The following NDE1 variants were observed in gnomAD, a reference collection of about 807,000 sequenced individuals.
NDE1 encodes the protein nudE neurodevelopment protein 1.
Under a neutral mutation model 43.4 loss-of-function variants are expected in NDE1, and 28 were observed. The observed-to-expected ratio is 0.65, with a 90% CI of 0.48 to 0.89. The LOEUF (loss-of-function observed/expected upper bound fraction) is 0.89, where lower values mean the gene tolerates loss of function less well. Among genes scored for constraint, NDE1 ranks in the 40% least tolerant of loss-of-function variants. The probability of loss-of-function intolerance (pLI) is 0.00; values close to 1 mark genes in which losing one functional copy is unlikely to be tolerated. For synonymous variants in NDE1, 184 were observed against 172.0 expected, an observed-to-expected ratio of 1.07 and a Z score of -0.55; for missense variants, 441 against 434.1, an observed-to-expected ratio of 1.02 and a Z score of -0.14.
chr16:15,719,580 T>G (rs1319840638), intron 8 of NDE1: 1 of 1,614,130 alleles, frequency 6.2e-7, no homozygotes, highest in African/African-American at 1.3e-5. Flanking sequence ...AAGGCGAGGC[T>G]TTACCTCTTG....
In NDE1 at chr16:15,679,668, T is replaced by A. The variant is rs1420988162; in HGVS notation, c.386+1719T>A. Among the ~76,000 whole-genome samples, 5 of 152,344 alleles carry A rather than the reference T, an allele frequency of 3.3e-5. No homozygotes were observed. The East Asian group carries it at 9.6e-4, about 29-fold the overall frequency. ...AGGTCCTTTTGTGCAGTTTTCAACA[T>A]CTGGGTCACATTTTCTTTATACTCC... On this transcript the variant is annotated intron_variant, in intron 4 of 8. Coordinates refer to ENST00000396354, the MANE Select transcript of NDE1 (RefSeq NM_017668.3).
At chr16:15,679,026 G>T (rs766364818) in intron 4 of NDE1, among the ~76,000 whole-genome samples, 28 of 152,058 alleles carry the variant, frequency 1.8e-4, no homozygotes, top group Admixed American at 6.6e-5. Flanking sequence ...GTAGTGAGCC[G>T]AGATTGCGCC....
At chr16:15,666,654 C>A (rs2037324218) in intron 2 of NDE1, among the ~76,000 whole-genome samples, 1 of 152,108 alleles carries the variant, frequency 6.6e-6, no homozygotes, top group Non-Finnish European at 1.5e-5. Flanking sequence ...CTCACTCTGT[C>A]ACCCAGGCTG....
At chr16:15,703,846 A>T (rs1465691872) in intron 8 of NDE1, 12 of 1,133,694 alleles carry the variant, frequency 1.1e-5, no homozygotes, top group African/African-American at 3.1e-5. Context: ...GGTGTCTGTG[A>T]TATTTGGAAT....
rs577651195 is a variant in NDE1 at position 15,650,464 on chromosome 16, C to T, written c.-44+170C>T. ...TCGCTTCCCGGCCGCCTGGACTCCC[C>T]CGGTCCCTGGGCTCCAAAATCCCGC... is the stretch of plus-strand genomic sequence containing the variant. On this transcript the variant is annotated intron_variant, in intron 1 of 8. Coordinates refer to ENST00000396354, the MANE Select transcript of NDE1 (RefSeq NM_017668.3). Among the ~76,000 whole-genome samples the T allele has an allele frequency of 2.6e-5, 4 of 152,350 alleles. No homozygotes were observed. In the East Asian group the frequency reaches 7.7e-4, roughly 29 times the overall value.
At chr16:15,705,983 T>TAAAAAAAA (rs1487522901) in intron 8 of NDE1, among the ~76,000 whole-genome samples, 1 of 8,906 alleles carries the variant, frequency 1.1e-4, no homozygotes, top group Non-Finnish European at 1.6e-4. Context: ...AGACTCCGTC[T>TAAAAAAAA]CAAAAAAAAA....
intron 2 of NDE1, among the ~76,000 whole-genome samples, chr16:15,665,672 T>C (rs1043483375): frequency 6.6e-6 from 1 of 151,870 alleles, no homozygotes. Context: ...CTTGAACTCC[T>C]GGCTTCACGT....
intron 8 of NDE1, chr16:15,720,999 A>C: frequency 1.2e-6 from 2 of 1,613,964 alleles, no homozygotes; most frequent in Non-Finnish European, 1.7e-6. Context: ...CTGCGTCTTC[A>C]TCTCCTCCAT....
intron 3 of NDE1, among the ~76,000 whole-genome samples, chr16:15,671,546 T>C (rs3784859): frequency 0.42 from 63,790 of 151,826 alleles, 15,172 homozygotes; most frequent in Middle Eastern, 0.57. Context: ...GAACACACAT[T>C]GTTGAGTTTC....
In NDE1 at chr16:15,711,795, C is replaced by T. The variant is rs146305374; in HGVS notation, c.948-12396C>T. Among the ~76,000 whole-genome samples the T allele has an allele frequency of 4.3e-3, 647 of 152,150 alleles. 1 individual carries two copies. Among genetic ancestry groups the T allele is most frequent in the African/African-American group, 0.013 (546 of 41,510 alleles). Reference sequence around the variant, plus strand: ...GTAACCTGTGTCTCCCAGGTTCAAGCGATTCTCCTGCCTCAGCCTCCCTAG... The same window carrying T: ...GTAACCTGTGTCTCCCAGGTTCAAGTGATTCTCCTGCCTCAGCCTCCCTAG... On this transcript the variant is annotated intron_variant, in intron 8 of 8. Coordinates refer to ENST00000396354, the MANE Select transcript of NDE1 (RefSeq NM_017668.3).
At chr16:15,693,099 T>C (rs1426150110) in intron 6 of NDE1, among the ~76,000 whole-genome samples, 1 of 152,024 alleles carries the variant, frequency 6.6e-6, no homozygotes, top group Non-Finnish European at 1.5e-5. Flanking sequence ...CCTCCTGGAT[T>C]CAAGCGATTC....
At position 15,691,192 on chromosome 16, in the gene NDE1, C is replaced by T. The variant is rs113493697; in HGVS notation, c.572C>T (p.Thr191Ile). The stretch of plus-strand genomic sequence containing the variant: ...CAGCAGAAGCAGGAGAAACCCAGGA[C>T]CCCCATGCCCAGCTCAGTGGAAGCT... ...AVQQKQEKPR[T>I]PMPSSVEAER... Residue 191 changes from threonine to isoleucine, a missense_variant, in exon 6 of 9, where the codon ACC becomes ATC. Physicochemically the swap from Thr to Ile is moderately conservative, Grantham distance 89 (BLOSUM62 -1). Coordinates refer to ENST00000396354, the MANE Select transcript of NDE1 (RefSeq NM_017668.3). 0.011 allele frequency: 17,448 copies of T among 1,614,118 alleles called. 126 individuals are homozygous for T. Among genetic ancestry groups the T allele is most frequent in the Non-Finnish European group, 0.013 (15,582 of 1,180,014 alleles).
intron 4 of NDE1, among the ~76,000 whole-genome samples, chr16:15,686,157 G>A (rs184212302): frequency 5.2e-4 from 79 of 151,878 alleles, no homozygotes; most frequent in African/African-American, 1.8e-3. Flanking sequence ...TCACCATGTC[G>A]GCCAGGCTGG....
chr16:15,652,911 C>A (rs1002862962), intron 1 of NDE1, among the ~76,000 whole-genome samples: 14 of 152,168 alleles, frequency 9.2e-5, no homozygotes, highest in Non-Finnish European at 1.8e-4. Context: ...AGCGATCCTT[C>A]CGCCTCAGCC....
Position 15,698,307 on chromosome 16 carries a change from G to A in NDE1, c.947+1447G>A, listed in dbSNP as rs184910014. Among the ~76,000 whole-genome samples the A allele has an allele frequency of 1.5e-3, 225 of 152,096 alleles. 1 individual carries two copies. Among genetic ancestry groups the A allele is most frequent in the South Asian group, 2.5e-3 (12 of 4,824 alleles). On this transcript the variant is annotated intron_variant, in intron 8 of 8. Coordinates refer to ENST00000396354, the MANE Select transcript of NDE1 (RefSeq NM_017668.3). The stretch of plus-strand genomic sequence containing the variant: ...AGCACTTTGGGAGGCTGAGGGCAGC[G>A]GATCAATTGAGCTCTGGAGGTTGAG...
rs141618703 is a variant in NDE1 at position 15,645,097 on chromosome 16, T to C, written c.-166+1170T>C. Among the ~76,000 whole-genome samples the C allele has an allele frequency of 4.6e-3, 706 of 152,156 alleles. 2 individuals carry two copies. Among genetic ancestry groups the C allele is most frequent in the African/African-American group, 0.015 (603 of 41,528 alleles). On this transcript the variant is annotated intron_variant, in intron 1 of 9. Transcript: ENST00000396355. ...ACCATGCCTGGCTAATTTTTGTGTT[T>C]TTAGTAGAGACGGGATATTGCCATG...
chr16:15,659,899 C>G (rs960133159), intron 1 of NDE1, among the ~76,000 whole-genome samples: 1 of 151,826 alleles, frequency 6.6e-6, no homozygotes, highest in Admixed American at 6.6e-5. Flanking sequence ...CAGGTACCTG[C>G]CACTGCGCCC....
chr16:15,663,639 A>G (rs2037160235), intron 1 of NDE1, among the ~76,000 whole-genome samples: 1 of 152,164 alleles, frequency 6.6e-6, no homozygotes, highest in South Asian at 2.1e-4. Context: ...TATCCTGGGC[A>G]CTGATAGAAA....
At chr16:15,709,243 T>C (rs984573438) in intron 8 of NDE1, among the ~76,000 whole-genome samples, 1 of 152,024 alleles carries the variant, frequency 6.6e-6, no homozygotes, top group Non-Finnish European at 1.5e-5. Context: ...CCACCGCACC[T>C]GGCATTAAAA....
Sources: allele counts gnomAD v4.1 joint callset (sites outside exome capture counted in the v4.1 genomes callset), GRCh38; gene constraint gnomAD v4.1.1; transcripts MANE v1.5; gene names NCBI Gene and HGNC (gene_info 2026-07-23, HGNC 2026-07-21).